SYT9: variants seen among roughly 807,000 people sequenced by gnomAD.
SYT9 encodes synaptotagmin-9.
SYT9 carries 22 observed loss-of-function variants against 48.4 expected under a neutral mutation model. The ratio of observed to expected loss-of-function variants is 0.45; its 90% CI spans 0.32 to 0.65. The LOEUF is 0.65. Among genes scored for constraint, SYT9 ranks in the 30% least tolerant of loss-of-function variants. The pLI, the probability that SYT9 is intolerant of heterozygous loss-of-function variation, is 0.03. For missense variants in SYT9, 577 were observed against 622.0 expected (o/e 0.93, Z 0.77); for synonymous variants, 265 against 245.0 (o/e 1.08, Z -0.76).
intron 3 of SYT9, 76 bp from the exon 4 acceptor site, chr11:7,415,966 T>C: frequency 1.0e-5 from 16 of 1,588,242 alleles, no homozygotes; most frequent in Non-Finnish European, 1.4e-5. Context: ...TCCCTTTCAG[T>C]GTGGCCTGAA....
At chr11:7,456,135 T>C (rs1237014483) in intron 6 of SYT9, among the ~76,000 whole-genome samples, 1 of 152,248 alleles carries the variant, frequency 6.6e-6, no homozygotes, top group Admixed American at 6.5e-5. Context: ...GTTGGATACA[T>C]CTGTCTTCTC....
chr11:7,427,789 A>G (rs1035317489), intron 6 of SYT9: 1 of 152,216 alleles, frequency 6.6e-6, no homozygotes, highest in African/African-American at 2.4e-5. Flanking sequence ...ACGCATAAAC[A>G]CCTGCAGGGC....
intron 6 of SYT9, among the ~76,000 whole-genome samples, chr11:7,458,952 T>C (rs1459646224): frequency 1.3e-5 from 2 of 152,218 alleles, no homozygotes; most frequent in African/African-American, 2.4e-5. Context: ...AATGACAAGG[T>C]TGGACGTGAG....
chr11:7,435,502 C>T (rs968485573), intron 6 of SYT9: 1 of 152,130 alleles, frequency 6.6e-6, no homozygotes, highest in African/African-American at 2.4e-5. Context: ...TGAGTATGGA[C>T]TTCCTCAGTA....
chr11:7,277,668 G>GC (rs912008838), intron 1 of SYT9, among the ~76,000 whole-genome samples: 3 of 152,190 alleles, frequency 2.0e-5, no homozygotes, highest in Non-Finnish European at 4.4e-5. Context: ...CAGGATTAGT[G>GC]TATGCCTAGT....
intron 6 of SYT9, among the ~76,000 whole-genome samples, chr11:7,426,647 T>C (rs1156242321): frequency 6.6e-6 from 1 of 152,100 alleles, no homozygotes; most frequent in African/African-American, 2.4e-5. Flanking sequence ...AGCTTCCCCC[T>C]CAATCCATCT....
At chr11:7,402,365 C>T (rs762422149) in intron 3 of SYT9, among the ~76,000 whole-genome samples, 3 of 151,972 alleles carry the variant, frequency 2.0e-5, no homozygotes, top group Admixed American at 6.6e-5. Context: ...ACATTGTTCA[C>T]GTCTTTTATA....
intron 1 of SYT9, among the ~76,000 whole-genome samples, chr11:7,286,486 T>G (rs1848597700): frequency 6.6e-6 from 1 of 152,288 alleles, no homozygotes; most frequent in South Asian, 2.1e-4. Flanking sequence ...GCCATAAAGG[T>G]CTCTGACATG....
At chr11:7,321,892 G>T (rs1310404535) in intron 3 of SYT9, among the ~76,000 whole-genome samples, 1 of 152,162 alleles carries the variant, frequency 6.6e-6, no homozygotes, top group African/African-American at 2.4e-5. Flanking sequence ...AACTGTCATG[G>T]TGCTGGTAGG....
intron 3 of SYT9, among the ~76,000 whole-genome samples, chr11:7,364,754 G>A (rs893226825): frequency 6.6e-6 from 1 of 152,158 alleles, no homozygotes; most frequent in Admixed American, 6.5e-5. Context: ...ACCTGCCTGA[G>A]CAGAATTAGT....
At chr11:7,405,583 C>G (rs928885955) in intron 3 of SYT9, among the ~76,000 whole-genome samples, 1 of 152,146 alleles carries the variant, frequency 6.6e-6, no homozygotes, top group Admixed American at 6.5e-5. Context: ...TAGCTCCCAG[C>G]ATCTGGAAAA....
At chr11:7,466,511 A>G (rs1848337726) in intron 6 of SYT9, among the ~76,000 whole-genome samples, 1 of 152,164 alleles carries the variant, frequency 6.6e-6, no homozygotes, top group Non-Finnish European at 1.5e-5. Flanking sequence ...TCACAAGGTC[A>G]GGAGTTCGAG....
rs568579361 is a variant in SYT9 at position 7,313,534 on chromosome 11, G to C, written c.637G>C (p.Gly213Arg). ...YKQRSLDNDDGRRSNSKACGK... is the reference protein window; with the variant it reads ...YKQRSLDNDDRRRSNSKACGK... The stretch of plus-strand genomic sequence containing the variant: ...GCAGAGGTCATTGGATAATGATGAC[G>C]GGAGACGGAGTAACAGCAAGGCTTG... Residue 213 changes from glycine (G) to arginine (R), a missense_variant, in exon 3 of 7, where the codon GGG (glycine) becomes CGG (arginine). Coordinates refer to ENST00000318881, the MANE Select transcript of SYT9 (RefSeq NM_175733.4). The C allele has an allele frequency of 6.2e-7, 1 of 1,614,116 alleles. No homozygotes were observed. The highest frequency in any genetic ancestry group is 8.5e-7 in the Non-Finnish European group (1 of 1,180,004).
chr11:7,269,324 T>C (rs777596465), intron 1 of SYT9, among the ~76,000 whole-genome samples: 1 of 152,116 alleles, frequency 6.6e-6, no homozygotes, highest in Non-Finnish European at 1.5e-5. Flanking sequence ...GGTTTAAATT[T>C]TACAAATATA....
At chr11:7,412,133 T>C (rs1304534100) in intron 3 of SYT9, among the ~76,000 whole-genome samples, 2 of 152,264 alleles carry the variant, frequency 1.3e-5, no homozygotes, top group African/African-American at 4.8e-5. Flanking sequence ...TCTTGTTTGC[T>C]GAGCTTCTTT....
intron 1 of SYT9, among the ~76,000 whole-genome samples, chr11:7,271,397 C>T (rs899260771): frequency 1.3e-5 from 2 of 152,112 alleles, no homozygotes; most frequent in Admixed American, 1.3e-4. Flanking sequence ...CTCCTATATC[C>T]TGTTGGGTCT....
At chr11:7,351,702 C>T (rs1382312945) in intron 3 of SYT9, among the ~76,000 whole-genome samples, 1 of 152,178 alleles carries the variant, frequency 6.6e-6, no homozygotes, top group Admixed American at 6.5e-5. Context: ...CAACATTTTG[C>T]TTCTCTAGCA....
Position 7,267,456 on chromosome 11 carries a change from CAAT to C in SYT9, c.145+15128_145+15130del, listed in dbSNP as rs566403493. 2.6e-5 allele frequency among the ~76,000 whole-genome samples: 4 copies of C among 151,874 alleles called. 1 individual carries two copies. Among genetic ancestry groups the C allele is most frequent in the African/African-American group, 9.6e-5 (4 of 41,472 alleles). ...TAATCAGTGAGAGATTAAGAAGTAA[CAAT>C]AACAATGCCAAAACTCTAAACACTT... On this transcript the variant is annotated intron_variant, in intron 1 of 6. Coordinates refer to ENST00000318881, the MANE Select transcript of SYT9 (RefSeq NM_175733.4).
upstream of SYT9, among the ~76,000 whole-genome samples, chr11:7,247,684 GTATA>G (rs71470467): frequency 2.3e-4 from 33 of 142,970 alleles, no homozygotes; most frequent in African/African-American, 8.0e-4. Context: ...ATATATGTGT[GTATA>G]TATATATATA....
Sources: gnomAD v4.1 joint callset for allele counts (sites outside exome capture counted in the v4.1 genomes callset) on GRCh38, gnomAD v4.1.1 for gene constraint, MANE v1.5 for transcripts, NCBI Gene and HGNC (gene_info 2026-07-23, HGNC 2026-07-21) for gene names.